Variants in AGBL1 observed in about 807,000 individuals in gnomAD.
AGBL1 encodes the protein AGBL carboxypeptidase 1.
A neutral mutation model predicts 118.9 loss-of-function variants in AGBL1; 130 were observed. The ratio of observed to expected loss-of-function variants is 1.09; its 90% CI spans 0.95 to 1.26. AGBL1 has a LOEUF of 1.26. Among genes scored for constraint, AGBL1 ranks in the 50% most tolerant of loss-of-function variants. The probability of loss-of-function intolerance (pLI) is 0.00; values close to 1 mark genes in which losing one functional copy is unlikely to be tolerated. For synonymous variants in AGBL1, 555 were observed against 478.9 expected, an observed-to-expected ratio of 1.16 and a Z score of -2.08; for missense variants, 1,584 against 1,298.1, an observed-to-expected ratio of 1.22 and a Z score of -3.38.
At chr15:86,150,195 C>T (rs1424857711) in intron 3 of AGBL1, among the ~76,000 whole-genome samples, 1 of 152,108 alleles carries the variant, frequency 6.6e-6, no homozygotes, top group African/African-American at 2.4e-5. Context: ...ATAATCAACA[C>T]CCTAACATCA....
intron 5 of AGBL1, among the ~76,000 whole-genome samples, chr15:86,197,850 A>G (rs561636846): frequency 3.6e-4 from 55 of 152,264 alleles, no homozygotes; most frequent in Non-Finnish European, 6.5e-4. Flanking sequence ...TGGATGCTTC[A>G]GGACAGAACA....
intron 21 of AGBL1, among the ~76,000 whole-genome samples, chr15:86,568,514 A>C (rs1483850531): frequency 6.6e-6 from 1 of 152,190 alleles, no homozygotes. Flanking sequence ...ATTTCTGCCT[A>C]CTTATCAATT....
chr15:86,409,687 T>C (rs1431707562), intron 18 of AGBL1, among the ~76,000 whole-genome samples: 1 of 152,098 alleles, frequency 6.6e-6, no homozygotes, highest in Non-Finnish European at 1.5e-5. Flanking sequence ...TTGATGGGTT[T>C]CCCCCCCTCA....
chr15:86,711,347 A>G (rs1046476915), intron 22 of AGBL1, among the ~76,000 whole-genome samples: 9 of 152,210 alleles, frequency 5.9e-5, no homozygotes, highest in African/African-American at 1.9e-4. Flanking sequence ...GTTCTGCAGT[A>G]CTTTGAACCT....
intron 21 of AGBL1, among the ~76,000 whole-genome samples, chr15:86,581,164 T>G (rs934982888): frequency 3.3e-5 from 5 of 152,226 alleles, no homozygotes; most frequent in African/African-American, 1.2e-4. Flanking sequence ...TGGTCTTGAC[T>G]CCTTGCTCAT....
intron 18 of AGBL1, among the ~76,000 whole-genome samples, chr15:86,466,543 G>A (rs2082410080): frequency 6.6e-6 from 1 of 152,236 alleles, no homozygotes; most frequent in Non-Finnish European, 1.5e-5. Context: ...TGCTGGCAAG[G>A]AGTTGTGATC....
intron 23 of AGBL1, among the ~76,000 whole-genome samples, chr15:86,981,850 A>T (rs2141722706): frequency 6.6e-6 from 1 of 152,308 alleles, no homozygotes; most frequent in South Asian, 2.1e-4. Flanking sequence ...ATCTGAGATG[A>T]TTATGGCACA....
intron 22 of AGBL1, among the ~76,000 whole-genome samples, chr15:86,846,524 T>TG (rs992642877): frequency 6.6e-6 from 1 of 151,996 alleles, no homozygotes; most frequent in African/African-American, 2.4e-5. Context: ...GTAGTTTTTT[T>TG]TTGTTGTTCT....
At chr15:86,678,427 G>A (rs1002480181) in intron 22 of AGBL1, among the ~76,000 whole-genome samples, 1 of 152,040 alleles carries the variant, frequency 6.6e-6, no homozygotes, top group Admixed American at 6.6e-5. Flanking sequence ...TCTATATCAT[G>A]AGGAGTATTT....
chr15:86,919,250 G>C (rs2080460440), downstream of AGBL1, among the ~76,000 whole-genome samples: 1 of 152,152 alleles, frequency 6.6e-6, no homozygotes. Flanking sequence ...GCTTAGCAAA[G>C]AGCAACAGGA....
At chr15:86,086,048 C>A (rs965798313) in intron 1 of AGBL1, among the ~76,000 whole-genome samples, 20 of 152,164 alleles carry the variant, frequency 1.3e-4, no homozygotes, top group Admixed American at 3.3e-4. Flanking sequence ...TGCAGTGATG[C>A]AATGAGGTGC....
Position 86,674,338 on chromosome 15 carries a change from C to G in AGBL1, c.3060C>G (p.Ile1020Met), listed in dbSNP as rs556577739. 1.2e-6 allele frequency: 2 copies of G among 1,612,432 alleles called. No individual in the cohort carries two copies. Among genetic ancestry groups the G allele is most frequent in the African/African-American group, 1.3e-5 (1 of 75,022 alleles). The stretch of plus-strand genomic sequence containing the variant: ...CCATGTTCTGTTTGGGCCTCCTCAT[C>G]CTGGAGCTCAAATCTGCCAGCTGCA... ...MGAMFCLGLL[I>M]LELKSASCSH... Residue 1020 changes from isoleucine to methionine, a missense_variant, in exon 22 of 23, where the codon ATC becomes ATG. Coordinates refer to ENST00000614907, the MANE Select transcript of AGBL1 (RefSeq NM_001386094.1).
intron 21 of AGBL1, among the ~76,000 whole-genome samples, chr15:86,620,406 G>A (rs2084787090): frequency 6.6e-6 from 1 of 152,176 alleles, no homozygotes; most frequent in Admixed American, 6.5e-5. Flanking sequence ...GTTGCGCTGA[G>A]ACTTTGTGAA....
At chr15:86,849,517 C>CTTTCTTTTTT (rs1555456693) in intron 22 of AGBL1, among the ~76,000 whole-genome samples, 2 of 136,798 alleles carry the variant, frequency 1.5e-5, no homozygotes, top group African/African-American at 2.7e-5. Context: ...TTCTTTCTTT[C>CTTTCTTTTTT]TTTTTTTTTT....
At chr15:86,485,855 C>A (rs1043064813) in intron 18 of AGBL1, among the ~76,000 whole-genome samples, 1 of 152,076 alleles carries the variant, frequency 6.6e-6, no homozygotes, top group Non-Finnish European at 1.5e-5. Context: ...AATCCTGGTC[C>A]AAAGGTTTAA....
intron 22 of AGBL1, among the ~76,000 whole-genome samples, chr15:86,693,880 G>A (rs2086213329): frequency 6.6e-6 from 1 of 151,938 alleles, no homozygotes; most frequent in African/African-American, 2.4e-5. Context: ...GTTTTTATTT[G>A]CTTTGTTGAA....
rs542565788 is a variant in AGBL1 at position 86,139,047 on chromosome 15, G to A, written c.52-2957G>A. On this transcript the variant is annotated intron_variant, in intron 1 of 22. Coordinates refer to ENST00000614907, the MANE Select transcript of AGBL1 (RefSeq NM_001386094.1). ...TACGGAGGGAGAGGCACCCACATTGGTACACGTATATATCACAGTTGCTGG... is the reference window on the plus strand; with the variant it reads ...TACGGAGGGAGAGGCACCCACATTGATACACGTATATATCACAGTTGCTGG... 3.9e-5 allele frequency among the ~76,000 whole-genome samples: 6 copies of A among 152,254 alleles called. No individual in the cohort carries two copies. The South Asian group carries it at 1.2e-3, about 32-fold the overall frequency.
chr15:86,133,552 C>A (rs935681679), intron 1 of AGBL1, among the ~76,000 whole-genome samples: 1 of 152,192 alleles, frequency 6.6e-6, no homozygotes, highest in Admixed American at 6.5e-5. Flanking sequence ...TCTATGTATT[C>A]GTAGCACCTA....
At chr15:86,542,348 C>T (rs1454799560) in intron 19 of AGBL1, among the ~76,000 whole-genome samples, 1 of 139,744 alleles carries the variant, frequency 7.2e-6, no homozygotes, top group Non-Finnish European at 1.5e-5. Context: ...GGGGATGCCA[C>T]CATTGAGATT....
Sources: gnomAD v4.1 joint callset for allele counts (sites outside exome capture counted in the v4.1 genomes callset) on GRCh38, gnomAD v4.1.1 for gene constraint, MANE v1.5 for transcripts, NCBI Gene and HGNC (gene_info 2026-07-23, HGNC 2026-07-21) for gene names.